Variants in PNMT observed in about 807,000 individuals in gnomAD.
The protein encoded by PNMT is noradrenaline N-methyltransferase.
Under a neutral mutation model 18.9 loss-of-function variants are expected in PNMT, and 18 were observed. That is an observed-to-expected ratio of 0.95 (90% CI 0.66 to 1.41). The LOEUF (loss-of-function observed/expected upper bound fraction) is 1.41, where lower values mean the gene tolerates loss of function less well. PNMT is among the 40% of genes most tolerant of loss of function. PNMT has a pLI of 0.00. For synonymous variants in PNMT, 167 were observed against 168.6 expected, an observed-to-expected ratio of 0.99 and a Z score of 0.08; for missense variants, 378 against 387.0, an observed-to-expected ratio of 0.98 and a Z score of 0.20.
rs922054963 is a variant in PNMT, at chr17:39,670,273, C to T, written c.733C>T (p.Arg245Cys). The change falls in exon 3 of 3, where the codon CGT becomes TGT. Residue 245 changes from arginine to cysteine, a missense_variant. Transcript: ENST00000269582. Reference sequence around the variant, plus strand: ...GGAGGAGGTGAGGGAGGCCCTGGTGCGTAGTGGCTACAAGGTCCGGGACCT... The same window carrying T: ...GGAGGAGGTGAGGGAGGCCCTGGTGTGTAGTGGCTACAAGGTCCGGGACCT... ...SEEEVREALV[R>C]SGYKVRDLRT... 3 of 1,609,360 alleles carry T rather than the reference C, an allele frequency of 1.9e-6. No individual in the cohort carries two copies. The highest frequency in any genetic ancestry group is 2.5e-6 in the Non-Finnish European group (3 of 1,178,610).
Position 39,669,983 on chromosome 17 carries a change from G to A in PNMT, c.443G>A (p.Arg148Gln), listed in dbSNP as rs766139488. The change falls in exon 3 of 3, where the codon CGA becomes CAA. Residue 148 changes from arginine (R) to glutamine (Q), a missense_variant. Physicochemically the swap from Arg to Gln is conservative, Grantham distance 43. Coordinates refer to ENST00000269582, the MANE Select transcript of PNMT (RefSeq NM_002686.4). ...ECWQDKERQL[R>Q]ARVKRVLPID... ...TGGCAGGATAAGGAGCGCCAGCTGC[G>A]AGCCAGGGTGAAACGGGTCCTGCCC... The A allele has an allele frequency of 2.4e-5, 38 of 1,602,266 alleles. No homozygotes were observed. Among genetic ancestry groups the A allele is most frequent in the Middle Eastern group, 1.7e-4 (1 of 6,044 alleles).
In PNMT at chr17:39,669,865, G is replaced by A. The variant is rs755923959; in HGVS notation, c.410+29G>A. Reference sequence around the variant, plus strand: ...AGGACTGGGGGGTGAGGGTTGGGGAGGAGGCTTCCCATAGAGTGGCTGGTT... The same window carrying A: ...AGGACTGGGGGGTGAGGGTTGGGGAAGAGGCTTCCCATAGAGTGGCTGGTT... On this transcript the variant is annotated intron_variant, in intron 2 of 2. Coordinates refer to ENST00000269582, the MANE Select transcript of PNMT (RefSeq NM_002686.4). 5 of 1,604,340 alleles carry A rather than the reference G, an allele frequency of 3.1e-6. No individual in the cohort carries two copies. In the South Asian group the frequency reaches 4.4e-5, roughly 14 times the overall value.
At chr17:39,668,022 C>G (rs1286598493), upstream of PNMT, 1 of 158,902 alleles carries the variant, frequency 6.3e-6, no homozygotes, top group East Asian at 1.8e-4. Flanking sequence ...ATTCCCCAGT[C>G]TCCACCTCGA....
Position 39,669,704 on chromosome 17 carries a change from A to G in PNMT, c.278A>G (p.His93Arg). 2.5e-6 allele frequency: 4 copies of G among 1,614,088 alleles called. No homozygotes were observed. Among genetic ancestry groups the G allele is most frequent in the Non-Finnish European group, 3.4e-6 (4 of 1,179,976 alleles). The change falls in exon 2 of 3, where the codon CAC becomes CGC. Residue 93 changes from histidine to arginine, a missense_variant. Physicochemically the swap from His to Arg is conservative, Grantham distance 29. Coordinates refer to ENST00000269582, the MANE Select transcript of PNMT (RefSeq NM_002686.4). ...TVYQLLSACS[H>R]FEDITMTDFL... ...TACCAGCTGCTCAGTGCCTGCAGCC[A>G]CTTTGAGGACATCACCATGACAGAT...
upstream of PNMT, chr17:39,668,195 G>T (rs2057269741): frequency 2.7e-6 from 1 of 370,376 alleles, no homozygotes; most frequent in Non-Finnish European, 4.8e-6. Context: ...GACTCGGGGC[G>T]GGGCAGGCGA....
At chr17:39,668,365 C>CCAGGCGGCGGT, upstream of PNMT, 1 of 832,156 alleles carries the variant, frequency 1.2e-6, no homozygotes, top group Non-Finnish European at 1.7e-6. Context: ...TGGCCCCGGG[C>CCAGGCGGCGGT]GGCTCGGCGG....
At position 39,669,686 on chromosome 17, in the gene PNMT, T is replaced by C. The variant is rs1461519499; in HGVS notation, c.260T>C (p.Leu87Pro). The change falls in exon 2 of 3, where the codon CTG (leucine) becomes CCG (proline). Residue 87 changes from leucine (L) to proline (P), a missense_variant. Coordinates refer to ENST00000269582, the MANE Select transcript of PNMT (RefSeq NM_002686.4). The part of the protein sequence containing the change: ...DIGSGPTVYQ[L>P]LSACSHFEDI... ...GGTTCAGGCCCCACCGTGTACCAGCTGCTCAGTGCCTGCAGCCACTTTGAG... is the reference window on the plus strand; with the variant it reads ...GGTTCAGGCCCCACCGTGTACCAGCCGCTCAGTGCCTGCAGCCACTTTGAG... 6.2e-7 allele frequency: 1 copy of C among 1,614,126 alleles called. No individual in the cohort carries two copies. The highest frequency in any genetic ancestry group is 1.7e-5 in the Admixed American group (1 of 60,018).
chr17:39,668,465 G>T lies in PNMT; in HGVS notation c.-11G>T. 1 of 1,398,082 alleles carries T rather than the reference G, an allele frequency of 7.2e-7. No homozygotes were observed. The allele number at this position is 1,398,082 out of a possible 1,614,324, so 86.6% of individuals were successfully genotyped here. A position where few individuals can be genotyped will look rare whatever the true frequency, so the allele number is the denominator to read the frequency against. On this transcript the variant is annotated 5_prime_UTR_variant, in exon 1 of 3. Transcript: ENST00000269582. The stretch of plus-strand genomic sequence containing the variant: ...AGGCGAGCGGGGCACTGGGCGGACC[G>T]CGGCGGCAGCATGAGCGGCGCAGAC...
chr17:39,669,905 CT>C lies in PNMT; in HGVS notation c.411-45del, dbSNP rs746663414. 1.0e-4 allele frequency: 164 copies of C among 1,591,512 alleles called. 3 individuals carry two copies. The South Asian group carries it at 1.8e-3, about 17-fold the overall frequency. Reference sequence around the variant, plus strand: ...AGTGGCTGGTTGGGGCAACAGAGGCCTGAGCGTAGAACAGCCTTGAGCCCTG... The same window carrying C: ...AGTGGCTGGTTGGGGCAACAGAGGCCGAGCGTAGAACAGCCTTGAGCCCTG... On this transcript the variant is annotated intron_variant, in intron 2 of 2. Coordinates refer to ENST00000269582, the MANE Select transcript of PNMT (RefSeq NM_002686.4).
At chr17:39,668,065 A>C, upstream of PNMT, 7 of 169,156 alleles carry the variant, frequency 4.1e-5, no homozygotes, top group Admixed American at 6.5e-5. Context: ...CTGCTGGGCA[A>C]AAGAGGTGAA....
chr17:39,669,845 T>TG lies in PNMT; in HGVS notation c.410+15dup, dbSNP rs749998830. On this transcript the variant is annotated intron_variant, in intron 2 of 2. Coordinates refer to ENST00000269582, the MANE Select transcript of PNMT (RefSeq NM_002686.4). ...CTCATTGAGGGCAAGGGGTAAGGAC[T>TG]GGGGGGTGAGGGTTGGGGAGGAGGC... 18 of 1,609,640 alleles carry TG rather than the reference T, an allele frequency of 1.1e-5. No homozygotes were observed. In the East Asian group the frequency reaches 2.7e-4, roughly 24 times the overall value.
rs749578209 is a variant in PNMT, at chr17:39,670,034, T to TGGGTGCTGGGAGCCCAGCTCCC, written c.495_516dup (p.Leu173GlyfsTer11). On this transcript the variant is annotated frameshift_variant, in exon 3 of 3. Coordinates refer to ENST00000269582, the MANE Select transcript of PNMT (RefSeq NM_002686.4). LOFTEE classifies it high-confidence loss of function. ...ATCGACGTGCACCAGCCCCAGCCCC[T>TGGGTGCTGGGAGCCCAGCTCCC]GGGTGCTGGGAGCCCAGCTCCCCTG... 3 of 1,606,010 alleles carry TGGGTGCTGGGAGCCCAGCTCCC rather than the reference T, an allele frequency of 1.9e-6. No individual in the cohort carries two copies. Among genetic ancestry groups the TGGGTGCTGGGAGCCCAGCTCCC allele is most frequent in the Non-Finnish European group, 2.5e-6 (3 of 1,179,682 alleles).
At position 39,670,248 on chromosome 17, in the gene PNMT, G is replaced by T. The variant is rs375815275; in HGVS notation, c.708G>T (p.Glu236Asp). The change falls in exon 3 of 3, where the codon GAG becomes GAT. Residue 236 changes from glutamate (E) to aspartate (D), a missense_variant. Physicochemically the swap from Glu to Asp is conservative, Grantham distance 45. Coordinates refer to ENST00000269582, the MANE Select transcript of PNMT (RefSeq NM_002686.4). ...EARLTVVPVS[E>D]EEVREALVRS... ...GGCTGACGGTGGTGCCAGTGTCTGA[G>T]GAGGAGGTGAGGGAGGCCCTGGTGC... 2 of 1,609,740 alleles carry T rather than the reference G, an allele frequency of 1.2e-6. No homozygotes were observed. Among genetic ancestry groups the T allele is most frequent in the African/African-American group, 1.3e-5 (1 of 74,834 alleles).
upstream of PNMT, chr17:39,668,213 G>T: frequency 2.6e-6 from 1 of 388,984 alleles, no homozygotes; most frequent in South Asian, 8.3e-5. Context: ...CGAGGCGGAG[G>T]GCGAGGGCTG....
chr17:39,670,138 C>A lies in PNMT; in HGVS notation c.598C>A (p.His200Asn). 6.2e-7 allele frequency: 1 copy of A among 1,611,832 alleles called. No homozygotes were observed. The highest frequency in any genetic ancestry group is 1.1e-5 in the South Asian group (1 of 91,060). ...DLASFQRALD[H>N]ITTLLRPGGH... Reference sequence around the variant, plus strand: ...TGCCAGCTTTCAGCGGGCCCTGGACCACATCACCACGCTGCTGAGGCCTGG... The same window carrying A: ...TGCCAGCTTTCAGCGGGCCCTGGACAACATCACCACGCTGCTGAGGCCTGG... Residue 200 changes from histidine (H) to asparagine (N), a missense_variant, in exon 3 of 3, where the codon CAC (histidine) becomes AAC (asparagine). Physicochemically the swap from His to Asn is moderately conservative, Grantham distance 68. Transcript: ENST00000269582.
chr17:39,670,365 C>T lies in PNMT; in HGVS notation c.825C>T (p.Ala275=). ...ATGATGTCAAGGGCGTCTTCTTCGCCTGGGCTCAGAAGGTTGGGCTGTGAG... is the reference window on the plus strand; with the variant it reads ...ATGATGTCAAGGGCGTCTTCTTCGCTTGGGCTCAGAAGGTTGGGCTGTGAG... The part of the protein sequence containing the change: ...GVDDVKGVFF[A]WAQKVGL The change falls in exon 3 of 3, where the codon GCC becomes GCT. Residue 275 remains alanine, a synonymous_variant. Coordinates refer to ENST00000269582, the MANE Select transcript of PNMT (RefSeq NM_002686.4). 6.3e-7 allele frequency: 1 copy of T among 1,590,150 alleles called. No individual in the cohort carries two copies.
At position 39,668,524 on chromosome 17, in the gene PNMT, G is replaced by A. The variant is rs1290130106; in HGVS notation, c.49G>A (p.Ala17Thr). The change falls in exon 1 of 3, where the codon GCC becomes ACC. Residue 17 changes from alanine (A) to threonine (T), a missense_variant. Physicochemically the swap from Ala to Thr is moderately conservative, Grantham distance 58. Coordinates refer to ENST00000269582, the MANE Select transcript of PNMT (RefSeq NM_002686.4). ...SPNAGAAPDSAPGQAAVASAY... is the reference protein window; with the variant it reads ...SPNAGAAPDSTPGQAAVASAY... ...CAATGCGGGCGCAGCCCCTGACTCG[G>A]CCCCGGGCCAGGCGGCGGTGGCTTC... 1 of 1,541,518 alleles carries A rather than the reference G, an allele frequency of 6.5e-7. No individual in the cohort carries two copies. Among genetic ancestry groups the A allele is most frequent in the South Asian group, 1.2e-5 (1 of 84,240 alleles).
Position 39,668,551 on chromosome 17 carries a change from G to T in PNMT, c.76G>T (p.Ala26Ser). ...SAPGQAAVAS[A>S]YQRFEPRAYL... Reference sequence around the variant, plus strand: ...CCCGGGCCAGGCGGCGGTGGCTTCGGCCTACCAGCGCTTCGAGCCGCGCGC... The same window carrying T: ...CCCGGGCCAGGCGGCGGTGGCTTCGTCCTACCAGCGCTTCGAGCCGCGCGC... The change falls in exon 1 of 3, where the codon GCC becomes TCC. Residue 26 changes from alanine to serine, a missense_variant. Coordinates refer to ENST00000269582, the MANE Select transcript of PNMT (RefSeq NM_002686.4). 6.4e-7 allele frequency: 1 copy of T among 1,561,124 alleles called. No homozygotes were observed. The highest frequency in any genetic ancestry group is 8.6e-7 in the Non-Finnish European group (1 of 1,160,154).
At position 39,670,231 on chromosome 17, in the gene PNMT, G is replaced by T; in HGVS notation, c.691G>T (p.Val231Leu). 6.2e-7 allele frequency: 1 copy of T among 1,610,684 alleles called. No individual in the cohort carries two copies. ...WYLAGEARLT[V>L]VPVSEEEVRE... The stretch of plus-strand genomic sequence containing the variant: ...CCTGGCTGGGGAGGCCAGGCTGACG[G>T]TGGTGCCAGTGTCTGAGGAGGAGGT... The change falls in exon 3 of 3, where the codon GTG becomes TTG. Residue 231 changes from valine to leucine, a missense_variant. By Grantham distance (32) the Val-to-Leu change is conservative. Transcript: ENST00000269582.
Sources: allele counts gnomAD v4.1 joint callset, GRCh38; gene constraint gnomAD v4.1.1; transcripts MANE v1.5; gene names NCBI Gene and HGNC (gene_info 2026-07-23, HGNC 2026-07-21).